Variants in PCDHA1 observed in about 807,000 individuals in gnomAD.
The protein encoded by PCDHA1 is protocadherin alpha-1.
PCDHA1 carries 42 observed loss-of-function variants against 61.3 expected under a neutral mutation model. The observed-to-expected ratio is 0.69, with a 90% CI of 0.54 to 0.89. PCDHA1 has a LOEUF of 0.89. Among genes scored for constraint, PCDHA1 ranks in the 40% least tolerant of loss-of-function variants. The probability of loss-of-function intolerance (pLI) is 0.00; values close to 1 mark genes in which losing one functional copy is unlikely to be tolerated. For synonymous variants in PCDHA1, 610 were observed against 553.8 expected (o/e 1.10, Z -1.43); for missense variants, 1,256 against 1,235.3 (o/e 1.02, Z -0.25).
chr5:140,878,033 A>G, intron 1 of PCDHA1: 2 of 574,166 alleles, frequency 3.5e-6, no homozygotes, highest in Non-Finnish European at 5.4e-6. Context: ...TGTAGGTACA[A>G]TGGAGGCCAT....
intron 1 of PCDHA1, chr5:140,877,774 G>T (rs782686661): frequency 1.2e-6 from 2 of 1,614,176 alleles, no homozygotes; most frequent in South Asian, 2.2e-5. Context: ...GCCCAAGACG[G>T]ACCTCATGGC....
chr5:140,941,259 T>TTC (rs1340815463), intron 1 of PCDHA1, among the ~76,000 whole-genome samples: 28 of 121,830 alleles, frequency 2.3e-4, no homozygotes, highest in East Asian at 1.1e-3. Flanking sequence ...TTCTTTCTCT[T>TTC]TCTTTCTTTC....
At chr5:140,871,273 G>T in intron 1 of PCDHA1, 3 of 1,613,916 alleles carry the variant, frequency 1.9e-6, no homozygotes, top group Non-Finnish European at 2.5e-6. Flanking sequence ...GTGGTGGTCG[G>T]CAACGCCCAC....
At chr5:140,851,660 T>G in intron 1 of PCDHA1, 1 of 914,450 alleles carries the variant, frequency 1.1e-6, no homozygotes, top group African/African-American at 1.8e-5. Flanking sequence ...GACATTCTCC[T>G]TTTAATTGAA....
At chr5:140,957,855 T>TC (rs1398127159) in intron 1 of PCDHA1, among the ~76,000 whole-genome samples, 1 of 151,980 alleles carries the variant, frequency 6.6e-6, no homozygotes, top group Non-Finnish European at 1.5e-5. Context: ...TTTGTGTATT[T>TC]TTTTTCCTAT....
At chr5:140,874,647 G>T (rs2055047919) in intron 1 of PCDHA1, among the ~76,000 whole-genome samples, 1 of 152,200 alleles carries the variant, frequency 6.6e-6, no homozygotes, top group Non-Finnish European at 1.5e-5. Context: ...ACTTTTGCTA[G>T]AGTAAAACTT....
intron 1 of PCDHA1, chr5:140,861,416 C>G: frequency 2.1e-6 from 1 of 477,054 alleles, no homozygotes; most frequent in South Asian, 1.6e-5. Flanking sequence ...TGATACCGCG[C>G]CTGTTTCAGT....
At chr5:140,812,889 T>A (rs2150031351) in intron 1 of PCDHA1, 1 of 152,262 alleles carries the variant, frequency 6.6e-6, no homozygotes, top group East Asian at 1.9e-4. Flanking sequence ...TCAAATGAAA[T>A]TTTGAACAGA....
intron 1 of PCDHA1, among the ~76,000 whole-genome samples, chr5:140,918,556 G>A (rs1584104800): frequency 2.0e-5 from 3 of 152,302 alleles, no homozygotes; most frequent in Non-Finnish European, 4.4e-5. Context: ...CAATTGAGAA[G>A]AATGTATATT....
At chr5:140,796,964 T>C in intron 1 of PCDHA1, 1 of 1,613,764 alleles carries the variant, frequency 6.2e-7, no homozygotes, top group Non-Finnish European at 8.5e-7. Context: ...ACCGTGTTAG[T>C]GTCGTTGGTG....
intron 1 of PCDHA1, among the ~76,000 whole-genome samples, chr5:140,901,420 C>G (rs2153473414): frequency 6.6e-6 from 1 of 152,248 alleles, no homozygotes; most frequent in East Asian, 1.9e-4. Context: ...TAGTTTCATT[C>G]CTCTGCATAT....
At chr5:140,853,592 T>A in intron 1 of PCDHA1, 2 of 987,050 alleles carry the variant, frequency 2.0e-6, no homozygotes, top group Non-Finnish European at 1.2e-6. Context: ...TTAGACACTT[T>A]GAGAGCAAAG....
rs552435448 is a variant in PCDHA1, at chr5:140,787,799, G to A, written c.1509G>A (p.Ala503=). Residue 503 remains alanine (A), a synonymous_variant, in exon 1 of 4, where the codon GCG becomes GCA. Coordinates refer to ENST00000504120, the MANE Select transcript of PCDHA1 (RefSeq NM_018900.4). ...SLVERRVGER[A]LSNYVSVHAE... ...TGGAACGGCGGGTGGGCGAGCGCGC[G>A]CTGTCGAACTACGTGTCAGTGCACG... 303 of 1,612,470 alleles carry A rather than the reference G, an allele frequency of 1.9e-4. 1 individual carries two copies. In the South Asian group the frequency reaches 3.0e-3, roughly 16 times the overall value.
At chr5:140,928,810 G>T (rs143843461) in intron 1 of PCDHA1, 1 of 1,614,106 alleles carries the variant, frequency 6.2e-7, no homozygotes. Context: ...AGTGGTTCGG[G>T]ACCATGGAGA....
chr5:140,928,570 C>T (rs2085340367), intron 1 of PCDHA1: 1 of 1,614,196 alleles, frequency 6.2e-7, no homozygotes, highest in African/African-American at 1.3e-5. Context: ...GTTTCCCTTG[C>T]CCAGAAATGG....
chr5:140,923,078 G>A (rs1392146044), intron 1 of PCDHA1, among the ~76,000 whole-genome samples: 1 of 152,200 alleles, frequency 6.6e-6, no homozygotes, highest in African/African-American at 2.4e-5. Context: ...CCTCATGTCA[G>A]CACTTATTTG....
chr5:140,870,908 A>G, intron 1 of PCDHA1: 1 of 1,613,928 alleles, frequency 6.2e-7, no homozygotes, highest in Non-Finnish European at 8.5e-7. Flanking sequence ...GACTCAGGCT[A>G]CAACGCGTGG....
In PCDHA1 at chr5:140,836,627, G is replaced by A. The variant is rs1580852478; in HGVS notation, c.2394+47943G>A. 7 of 1,613,588 alleles carry A rather than the reference G, an allele frequency of 4.3e-6. No individual in the cohort carries two copies. In the East Asian group the frequency reaches 1.3e-4, roughly 31 times the overall value. On this transcript the variant is annotated intron_variant, in intron 1 of 3. Coordinates refer to ENST00000504120, the MANE Select transcript of PCDHA1 (RefSeq NM_018900.4). ...TGTGCTCCAGCGCGGTGGGGAGCTG[G>A]TCATTCTCCCAGCAGAGGCGGCAGA...
intron 1 of PCDHA1, chr5:140,824,611 T>TG (rs1768217259): frequency 5.0e-5 from 1 of 19,836 alleles, no homozygotes; most frequent in Non-Finnish European, 1.2e-4. Context: ...CTAATTAAAG[T>TG]TTTTTTTTTT....
Sources: allele counts gnomAD v4.1 joint callset (sites outside exome capture counted in the v4.1 genomes callset), GRCh38; gene constraint gnomAD v4.1.1; transcripts MANE v1.5; gene names NCBI Gene and HGNC (gene_info 2026-07-23, HGNC 2026-07-21).